The following AOAH variants were observed in gnomAD, a reference collection of about 807,000 sequenced individuals.
AOAH encodes acyloxyacyl hydrolase (neutrophil).
Under a neutral mutation model 92.2 loss-of-function variants are expected in AOAH, and 64 were observed. The observed-to-expected ratio is 0.69, with a 90% CI of 0.57 to 0.86. AOAH has a LOEUF of 0.86. Ranked by LOEUF, AOAH falls within the 40% of genes least tolerant of loss-of-function variation. The pLI, the probability that AOAH is intolerant of heterozygous loss-of-function variation, is 0.00. For synonymous variants in AOAH, 263 were observed against 254.5 expected, an observed-to-expected ratio of 1.03 and a Z score of -0.32; for missense variants, 656 against 694.6, an observed-to-expected ratio of 0.94 and a Z score of 0.62.
rs143176840 is a variant in AOAH, at chr7:36,552,564, T to C, written c.1022-3089A>G. Among the ~76,000 whole-genome samples, 296 of 152,344 alleles carry C rather than the reference T, an allele frequency of 1.9e-3. 1 individual carries two copies. The highest frequency in any genetic ancestry group is 7.0e-3 in the African/African-American group (291 of 41,582). On this transcript the variant is annotated intron_variant, in intron 13 of 20. Coordinates refer to ENST00000617537, the MANE Select transcript of AOAH (RefSeq NM_001637.4). Reference sequence around the variant, plus strand: ...AAATGGTATTTCTGGTTCTAAATCTTTGAGGAAGTGCCACACTGTCCTCCA... The same window carrying C: ...AAATGGTATTTCTGGTTCTAAATCTCTGAGGAAGTGCCACACTGTCCTCCA...
intron 20 of AOAH, chr7:36,514,351 TGGGTGGG>T: frequency 3.1e-6 from 2 of 645,064 alleles, no homozygotes; most frequent in Non-Finnish European, 5.0e-6. Context: ...GGTCCCTGAC[TGGGTGGG>T]GGGTGGGATC....
rs1374354368 is a variant in AOAH at position 36,540,383 on chromosome 7, A to G, written c.1242T>C (p.Ile414=). ...NSHLPNGSHV[I]LYGLPDGTFL... is the part of the protein sequence containing the mutation. ...AGGTTCCATCTGGTAAGCCATACAAAATAACATGGCTGCCATTGGGCAGGT... is the reference window on the plus strand; with the variant it reads ...AGGTTCCATCTGGTAAGCCATACAAGATAACATGGCTGCCATTGGGCAGGT... The change falls in exon 16 of 21, where the codon ATT becomes ATC. Residue 414 remains isoleucine, a synonymous_variant. Coordinates refer to ENST00000617537, the MANE Select transcript of AOAH (RefSeq NM_001637.4). The G allele has an allele frequency of 6.2e-7, 1 of 1,614,068 alleles. No homozygotes were observed. Among genetic ancestry groups the G allele is most frequent in the Admixed American group, 1.7e-5 (1 of 60,028 alleles).
intron 11 of AOAH, among the ~76,000 whole-genome samples, chr7:36,608,084 C>T (rs1562616233): frequency 1.3e-5 from 2 of 152,240 alleles, no homozygotes; most frequent in South Asian, 4.1e-4. Flanking sequence ...CTCTCCCTTC[C>T]TGGGGCTCAT....
At chr7:36,717,730 T>TTTTA (rs1554327722) in intron 1 of AOAH, among the ~76,000 whole-genome samples, 9 of 149,182 alleles carry the variant, frequency 6.0e-5, no homozygotes, top group Non-Finnish European at 8.9e-5. Flanking sequence ...TCTTCTTATT[T>TTTTA]TTTTTTTTTT....
intron 19 of AOAH, among the ~76,000 whole-genome samples, chr7:36,527,085 A>G (rs978743852): frequency 7.2e-5 from 11 of 152,216 alleles, no homozygotes; most frequent in Non-Finnish European, 1.0e-4. Flanking sequence ...TCAAGTTGGC[A>G]TTTCCTGAAG....
At chr7:36,712,880 A>G (rs7794093) in intron 1 of AOAH, among the ~76,000 whole-genome samples, 1 of 151,940 alleles carries the variant, frequency 6.6e-6, no homozygotes, top group South Asian at 2.1e-4. Context: ...CAAAAACATG[A>G]CAAATTTTAA....
At chr7:36,538,782 G>A (rs1458107806) in intron 16 of AOAH, among the ~76,000 whole-genome samples, 3 of 152,180 alleles carry the variant, frequency 2.0e-5, no homozygotes, top group Non-Finnish European at 2.9e-5. Flanking sequence ...TTTCTAAGGC[G>A]GCGTGGTCAA....
At chr7:36,559,538 T>C (rs554220821) in intron 13 of AOAH, among the ~76,000 whole-genome samples, 4 of 152,324 alleles carry the variant, frequency 2.6e-5, no homozygotes, top group Admixed American at 2.6e-4. Context: ...TGGCTGCTTA[T>C]ATGTCTTCTT....
intron 16 of AOAH, among the ~76,000 whole-genome samples, chr7:36,537,506 GTTTT>G (rs67918250): frequency 7.4e-6 from 1 of 134,802 alleles, no homozygotes; most frequent in East Asian, 2.2e-4. Context: ...CACCCCTCTT[GTTTT>G]TTTTTTTTTT....
At chr7:36,722,498 GA>G (rs1029981962) in intron 1 of AOAH, among the ~76,000 whole-genome samples, 2 of 152,126 alleles carry the variant, frequency 1.3e-5, no homozygotes, top group African/African-American at 4.8e-5. Flanking sequence ...TTTGTTTTGA[GA>G]AAAATGAAAA....
chr7:36,721,518 T>G (rs1419881933), intron 1 of AOAH, among the ~76,000 whole-genome samples: 1 of 152,202 alleles, frequency 6.6e-6, no homozygotes, highest in Non-Finnish European at 1.5e-5. Flanking sequence ...ACATAGGCAG[T>G]GCTCAGTAAG....
chr7:36,693,139 T>C (rs1230429717), intron 1 of AOAH, among the ~76,000 whole-genome samples: 2 of 152,220 alleles, frequency 1.3e-5, no homozygotes, highest in Admixed American at 6.5e-5. Flanking sequence ...CTTCAAGAAG[T>C]AGTCTAGAGT....
intron 11 of AOAH, among the ~76,000 whole-genome samples, chr7:36,611,661 C>T (rs1167284901): frequency 6.6e-6 from 1 of 152,166 alleles, no homozygotes; most frequent in Non-Finnish European, 1.5e-5. Context: ...CGAAGACACT[C>T]CTTTCCTCAG....
At chr7:36,722,702 A>AG (rs35656846) in intron 1 of AOAH, among the ~76,000 whole-genome samples, 20,778 of 151,608 alleles carry the variant, frequency 0.14, 2,703 homozygotes, top group African/African-American at 0.34. Context: ...TTGGGAGCCA[A>AG]GGGGGGCGGA....
intron 1 of AOAH, among the ~76,000 whole-genome samples, chr7:36,705,008 C>G (rs1798300185): frequency 6.6e-6 from 1 of 152,066 alleles, no homozygotes; most frequent in Non-Finnish European, 1.5e-5. Flanking sequence ...ATAATAAGAG[C>G]TATTTATGAC....
At chr7:36,617,519 A>G (rs1022233655) in intron 10 of AOAH, among the ~76,000 whole-genome samples, 1 of 152,262 alleles carries the variant, frequency 6.6e-6, no homozygotes, top group African/African-American at 2.4e-5. Flanking sequence ...TTTTTGTCCA[A>G]GAAAACTCAG....
At chr7:36,587,611 A>T (rs1789435247) in intron 12 of AOAH, among the ~76,000 whole-genome samples, 1 of 152,208 alleles carries the variant, frequency 6.6e-6, no homozygotes. Flanking sequence ...CCAAATGTTG[A>T]TACATTTAAT....
At chr7:36,564,256 A>C (rs1045113883) in intron 13 of AOAH, among the ~76,000 whole-genome samples, 2 of 152,176 alleles carry the variant, frequency 1.3e-5, no homozygotes, top group African/African-American at 4.8e-5. Context: ...ACTTCTACAG[A>C]CAGAGTTAAG....
intron 7 of AOAH, 98 bp downstream of exon 7, chr7:36,623,092 C>G (rs1792399299): frequency 2.1e-6 from 2 of 972,846 alleles, no homozygotes; most frequent in South Asian, 2.7e-5. Context: ...ATTAATAATG[C>G]ATTCAAATGA....
Sources: gnomAD v4.1 joint callset for allele counts (sites outside exome capture counted in the v4.1 genomes callset) on GRCh38, gnomAD v4.1.1 for gene constraint, MANE v1.5 for transcripts, NCBI Gene and HGNC (gene_info 2026-07-23, HGNC 2026-07-21) for gene names.